GRIN2B: variants seen among roughly 807,000 people sequenced by gnomAD.
GRIN2B encodes the protein glutamate ionotropic receptor NMDA type subunit 2B.
Under a neutral mutation model 114.5 loss-of-function variants are expected in GRIN2B, and 5 were observed. That is an observed-to-expected ratio of 0.04 (90% CI 0.02 to 0.09). GRIN2B has a LOEUF of 0.09. Ranked by LOEUF, GRIN2B falls within the 10% of genes least tolerant of loss-of-function variation. The probability of loss-of-function intolerance (pLI) is 1.00; values close to 1 mark genes in which losing one functional copy is unlikely to be tolerated. For missense variants in GRIN2B, 1,108 were observed against 1,943.5 expected (o/e 0.57, Z 8.08); for synonymous variants, 787 against 745.1 (o/e 1.06, Z -0.92).
chr12:13,609,460 T>C (rs1805524), intron 9 of GRIN2B, among the ~76,000 whole-genome samples: 10,715 of 152,134 alleles, frequency 0.07, 549 homozygotes, highest in South Asian at 0.14. Flanking sequence ...TGGTTTCCTG[T>C]CATAGAAGCT....
chr12:13,616,210 T>C (rs1949437803), intron 6 of GRIN2B, among the ~76,000 whole-genome samples: 2 of 152,156 alleles, frequency 1.3e-5, no homozygotes, highest in African/African-American at 4.8e-5. Context: ...GTCCTAATCA[T>C]TAAGGCCAAG....
intron 3 of GRIN2B, among the ~76,000 whole-genome samples, chr12:13,865,379 C>G (rs1865810546): frequency 1.3e-5 from 2 of 152,208 alleles, no homozygotes; most frequent in African/African-American, 4.8e-5. Context: ...CGCCTGTAAT[C>G]CCAGCGCTGT....
chr12:13,746,625 G>T (rs1326598222), intron 4 of GRIN2B, among the ~76,000 whole-genome samples: 4 of 152,076 alleles, frequency 2.6e-5, no homozygotes, highest in Non-Finnish European at 4.4e-5. Context: ...TTTTTTAAAG[G>T]AGTGATACAG....
At chr12:13,633,594 TG>T (rs1388193601) in intron 5 of GRIN2B, among the ~76,000 whole-genome samples, 2 of 152,342 alleles carry the variant, frequency 1.3e-5, no homozygotes, top group Non-Finnish European at 2.9e-5. Context: ...TGCAGCCAGC[TG>T]GTAGAAATAA....
chr12:13,936,155 G>A (rs219896), intron 2 of GRIN2B, among the ~76,000 whole-genome samples: 3 of 151,974 alleles, frequency 2.0e-5, no homozygotes, highest in Non-Finnish European at 4.4e-5. Flanking sequence ...TTATACATGC[G>A]CAGGGAAAGA....
At chr12:13,851,615 A>G (rs1206928772) in intron 3 of GRIN2B, among the ~76,000 whole-genome samples, 1 of 152,134 alleles carries the variant, frequency 6.6e-6, no homozygotes, top group Admixed American at 6.5e-5. Flanking sequence ...ATAAAATAAA[A>G]TCTCCCCTGT....
At chr12:13,752,634 C>T (rs1422031313) in intron 4 of GRIN2B, among the ~76,000 whole-genome samples, 1 of 152,136 alleles carries the variant, frequency 6.6e-6, no homozygotes. Context: ...ACTGCAGTCA[C>T]GGCTGGGTTA....
chr12:13,597,947 C>T (rs1341277114), intron 10 of GRIN2B, among the ~76,000 whole-genome samples: 1 of 152,206 alleles, frequency 6.6e-6, no homozygotes, highest in African/African-American at 2.4e-5. Context: ...TGGCTATCAT[C>T]TAGCCAAGAA....
intron 2 of GRIN2B, among the ~76,000 whole-genome samples, chr12:13,916,666 A>G (rs1013941154): frequency 2.0e-5 from 3 of 151,234 alleles, no homozygotes; most frequent in Non-Finnish European, 4.4e-5. Context: ...TGGGCAGCAA[A>G]GCAAGACCCC....
chr12:13,809,582 A>G (rs1864687324), intron 3 of GRIN2B, among the ~76,000 whole-genome samples: 11 of 152,222 alleles, frequency 7.2e-5, no homozygotes, highest in Admixed American at 7.2e-4. Context: ...CAAAGATAGA[A>G]TTCATAAAGT....
At chr12:13,701,513 C>CAAAAAAAAAAA (rs10536664) in intron 4 of GRIN2B, among the ~76,000 whole-genome samples, 1 of 130,786 alleles carries the variant, frequency 7.6e-6, no homozygotes. Context: ...TTCAGTGGCA[C>CAAAAAAAAAAA]AAAAAAAAAA....
chr12:13,744,286 A>C (rs1863335584), intron 4 of GRIN2B, among the ~76,000 whole-genome samples: 1 of 152,270 alleles, frequency 6.6e-6, no homozygotes, highest in Non-Finnish European at 1.5e-5. Flanking sequence ...TAGTCTCAGC[A>C]ATAGAAAGCA....
At chr12:13,710,143 T>C (rs183260570) in intron 4 of GRIN2B, among the ~76,000 whole-genome samples, 2 of 152,140 alleles carry the variant, frequency 1.3e-5, no homozygotes, top group Admixed American at 6.6e-5. Context: ...CAAAACATTA[T>C]ATTGAGCAAA....
rs980435424 is a variant in GRIN2B at position 13,757,420 on chromosome 12, G to A, written c.412-3505C>T. 7.2e-5 allele frequency among the ~76,000 whole-genome samples: 11 copies of A among 152,196 alleles called. No homozygotes were observed. In the East Asian group the frequency reaches 1.5e-3, roughly 21 times the overall value. ...AAAGGGAAATCTTCATGTGTGCATCGAGTAGAAAGGACTGGTGGCCACACA... is the reference window on the plus strand; with the variant it reads ...AAAGGGAAATCTTCATGTGTGCATCAAGTAGAAAGGACTGGTGGCCACACA... On this transcript the variant is annotated intron_variant, in intron 3 of 13. Coordinates refer to ENST00000609686, the MANE Select transcript of GRIN2B (RefSeq NM_000834.5).
At chr12:13,839,239 T>C (rs1360984260) in intron 3 of GRIN2B, among the ~76,000 whole-genome samples, 4 of 152,192 alleles carry the variant, frequency 2.6e-5, no homozygotes, top group Non-Finnish European at 4.4e-5. Flanking sequence ...ATTAATTATA[T>C]GGCATAACAT....
intron 4 of GRIN2B, among the ~76,000 whole-genome samples, chr12:13,746,979 C>T (rs1050266110): frequency 2.0e-5 from 3 of 152,168 alleles, no homozygotes; most frequent in African/African-American, 7.2e-5. Context: ...GCCAAATAAA[C>T]TTCTTTATAA....
intron 2 of GRIN2B, among the ~76,000 whole-genome samples, chr12:13,889,253 C>T (rs79394981): frequency 2.2e-3 from 340 of 152,250 alleles, no homozygotes; most frequent in African/African-American, 8.0e-3. Flanking sequence ...ATGGGACCAC[C>T]GTCAAATATG....
Position 13,792,674 on chromosome 12 carries a change from C to T in GRIN2B, c.412-38759G>A, listed in dbSNP as rs114908490. ...GTCTGTGCTCTCAATGGAAGAAGAC[C>T]GCAGGGTCTGAAAGAGGCCATGGTG... On this transcript the variant is annotated intron_variant, in intron 3 of 13. Transcript: ENST00000609686. 9.8e-3 allele frequency among the ~76,000 whole-genome samples: 1,491 copies of T among 152,248 alleles called. 27 individuals carry two copies. Among genetic ancestry groups the T allele is most frequent in the African/African-American group, 0.033 (1,385 of 41,536 alleles).
At chr12:13,749,446 A>C (rs1863442180) in intron 4 of GRIN2B, among the ~76,000 whole-genome samples, 1 of 152,148 alleles carries the variant, frequency 6.6e-6, no homozygotes, top group African/African-American at 2.4e-5. Context: ...CTACATCCCT[A>C]GTGTCATGCT....
Sources: gnomAD v4.1 joint callset for allele counts (sites outside exome capture counted in the v4.1 genomes callset) on GRCh38, gnomAD v4.1.1 for gene constraint, MANE v1.5 for transcripts, NCBI Gene and HGNC (gene_info 2026-07-23, HGNC 2026-07-21) for gene names.